The following RBM19 variants were observed in gnomAD, a reference collection of about 807,000 sequenced individuals.
RBM19 encodes the protein probable RNA-binding protein 19.
A neutral mutation model predicts 116.8 loss-of-function variants in RBM19; 94 were observed. The ratio of observed to expected loss-of-function variants is 0.80; its 90% CI spans 0.68 to 0.95. RBM19 has a LOEUF of 0.95. Ranked by LOEUF, RBM19 falls within the 40% of genes least tolerant of loss-of-function variation. RBM19 has a pLI of 0.00. For missense variants in RBM19, 1,161 were observed against 1,220.7 expected (o/e 0.95, Z 0.73); for synonymous variants, 475 against 494.1 (o/e 0.96, Z 0.51).
chr12:113,918,331 C>G, intron 20 of RBM19, 61 bp downstream of exon 20: 1 of 1,564,762 alleles, frequency 6.4e-7, no homozygotes, highest in Non-Finnish European at 8.8e-7. Context: ...CCAGGGTGGC[C>G]GGCACCAAGC....
intron 21 of RBM19, among the ~76,000 whole-genome samples, chr12:113,862,963 C>T (rs1878511399): frequency 6.6e-6 from 1 of 152,130 alleles, no homozygotes; most frequent in African/African-American, 2.4e-5. Flanking sequence ...CAGCCCCACC[C>T]CCTCTGCCAT....
intron 16 of RBM19, among the ~76,000 whole-genome samples, chr12:113,928,094 T>G (rs1566022301): frequency 6.6e-6 from 1 of 152,184 alleles, no homozygotes; most frequent in African/African-American, 2.4e-5. Context: ...CCCAGCACTC[T>G]GGGAGGCGGA....
chr12:113,950,087 G>A lies in RBM19; in HGVS notation c.1068C>T (p.Tyr356=). ...VKQALKCNRE[Y]MGGRYIEVFR... ...ACATGGCCAGGGCTTCCTTACCCAT[G>A]TACTCCCGGTTGCATTTCAGAGCTT... is the stretch of plus-strand genomic sequence containing the variant. Residue 356 remains tyrosine (Y), a synonymous_variant, in exon 9 of 24, where the codon TAC becomes TAT. Transcript: ENST00000261741. The A allele has an allele frequency of 1.9e-6, 3 of 1,603,358 alleles. No individual in the cohort carries two copies. Among genetic ancestry groups the A allele is most frequent in the Non-Finnish European group, 2.6e-6 (3 of 1,170,382 alleles).
chr12:113,855,762 TG>T (rs1270910135), intron 22 of RBM19, among the ~76,000 whole-genome samples: 2 of 152,196 alleles, frequency 1.3e-5, no homozygotes, highest in African/African-American at 4.8e-5. Context: ...CTGGCAGTAT[TG>T]CTCTCCCTCT....
intron 21 of RBM19, among the ~76,000 whole-genome samples, chr12:113,878,456 G>A (rs935748934): frequency 2.0e-5 from 3 of 152,156 alleles, no homozygotes; most frequent in African/African-American, 7.2e-5. Context: ...CTTAATGATG[G>A]ATAAGTTTCC....
At chr12:113,861,476 G>GTGTGTA (rs1401413018) in intron 21 of RBM19, among the ~76,000 whole-genome samples, 1 of 102,986 alleles carries the variant, frequency 9.7e-6, no homozygotes, top group African/African-American at 3.6e-5. Flanking sequence ...GCCAGACTCT[G>GTGTGTA]TGTGTGTGTG....
At chr12:113,964,864 C>T (rs919892578) in intron 1 of RBM19, among the ~76,000 whole-genome samples, 24 of 151,786 alleles carry the variant, frequency 1.6e-4, no homozygotes, top group African/African-American at 4.8e-4. Flanking sequence ...CTTTGCTACT[C>T]ATGTTATACA....
rs1881504529 is a variant in RBM19, at chr12:113,898,788, ATCTT to A, written c.2558+16177_2558+16180del. On this transcript the variant is annotated intron_variant, in intron 21 of 23. Transcript: ENST00000261741. The surrounding 1 kb of genome is among the most constrained non-coding windows in gnomAD (Gnocchi z 4.3). The stretch of plus-strand genomic sequence containing the variant: ...ATTATAGATCTGGACCTGAGGCTAC[ATCTT>A]TCTAATATTAAAAACCCACATTCTG... Among the ~76,000 whole-genome samples, 2 of 152,252 alleles carry A rather than the reference ATCTT, an allele frequency of 1.3e-5. No individual in the cohort carries two copies. Among genetic ancestry groups the A allele is most frequent in the Admixed American group, 1.3e-4 (2 of 15,288 alleles).
At chr12:113,943,767 T>G (rs1425136499) in intron 13 of RBM19, among the ~76,000 whole-genome samples, 2 of 152,088 alleles carry the variant, frequency 1.3e-5, no homozygotes, top group Non-Finnish European at 1.5e-5. Context: ...AGGTTTTGGT[T>G]AGCCGAGATC....
chr12:113,920,652 T>G lies in RBM19; in HGVS notation c.2344A>C (p.Arg782=). 6.2e-7 allele frequency: 1 copy of G among 1,614,156 alleles called. No homozygotes were observed. The change falls in exon 19 of 24, where the codon AGG becomes CGG. Residue 782 remains arginine, a synonymous_variant. Coordinates refer to ENST00000261741, the MANE Select transcript of RBM19 (RefSeq NM_016196.4). ...GCTTTCTGGGCTTGCTCCGGCTTCC[T>G]GTATTCCACAAATCCAAACCCCATG... ...LSMGFGFVEY[R]KPEQAQKALK... is the part of the protein sequence containing the mutation.
intron 23 of RBM19, among the ~76,000 whole-genome samples, chr12:113,832,404 G>A (rs748445790): frequency 6.6e-6 from 1 of 152,178 alleles, no homozygotes; most frequent in Non-Finnish European, 1.5e-5. Context: ...TGGCCAGGCT[G>A]CTCTCGAACT....
At chr12:113,881,146 C>G (rs554810916) in intron 21 of RBM19, among the ~76,000 whole-genome samples, 2 of 152,274 alleles carry the variant, frequency 1.3e-5, no homozygotes, top group African/African-American at 4.8e-5. Context: ...CACGCACTGT[C>G]TTGGATTCCC....
At chr12:113,954,279 G>A (rs2135933043) in intron 7 of RBM19, among the ~76,000 whole-genome samples, 1 of 152,254 alleles carries the variant, frequency 6.6e-6, no homozygotes, top group East Asian at 1.9e-4. Flanking sequence ...GCAACACAGT[G>A]AGACCCTGTC....
chr12:113,889,672 AC>A (rs10577738), intron 21 of RBM19, among the ~76,000 whole-genome samples: 27,602 of 83,848 alleles, frequency 0.33, 2,625 homozygotes, highest in African/African-American at 0.42. Flanking sequence ...CAAACAAACA[AC>A]AAAAAAAAAA....
At chr12:113,905,519 G>T (rs1313384819) in intron 21 of RBM19, among the ~76,000 whole-genome samples, 6 of 151,906 alleles carry the variant, frequency 3.9e-5, no homozygotes, top group Non-Finnish European at 8.8e-5. Context: ...AAAAATATAG[G>T]TGGCCACCTT....
At chr12:113,956,682 GTC>G (rs1399537621) in intron 6 of RBM19, among the ~76,000 whole-genome samples, 1 of 151,608 alleles carries the variant, frequency 6.6e-6, no homozygotes, top group Non-Finnish European at 1.5e-5. Context: ...AAACTGCTCT[GTC>G]TCTGATGCAG....
chr12:113,946,317 G>C (rs755192769), intron 12 of RBM19, 37 bp downstream of exon 12: 3 of 1,613,796 alleles, frequency 1.9e-6, no homozygotes, highest in South Asian at 1.1e-5. Flanking sequence ...GCAGAGGGTT[G>C]GGGTTGGAGC....
intron 23 of RBM19, among the ~76,000 whole-genome samples, chr12:113,823,639 G>A (rs576288883): frequency 6.6e-5 from 10 of 152,096 alleles, no homozygotes; most frequent in African/African-American, 2.4e-4. Context: ...TGCCTCCCTC[G>A]CACCCCCAGA....
intron 23 of RBM19, among the ~76,000 whole-genome samples, chr12:113,832,884 C>G (rs1335384550): frequency 1.3e-5 from 2 of 152,162 alleles, no homozygotes; most frequent in Non-Finnish European, 2.9e-5. Context: ...TTCGCAAAGG[C>G]TGACGTGGGG....
Sources: gnomAD v4.1 joint callset for allele counts (sites outside exome capture counted in the v4.1 genomes callset) on GRCh38, gnomAD v4.1.1 for gene constraint, Gnocchi (gnomAD v3.1) non-coding constraint, MANE v1.5 for transcripts, NCBI Gene and HGNC (gene_info 2026-07-23, HGNC 2026-07-21) for gene names.